Variants in NBN observed in about 807,000 individuals in gnomAD.
NBN encodes the protein nibrin, also known as Nijmegen breakage syndrome 1 (nibrin).
NBN carries 88 observed loss-of-function variants against 90.8 expected under a neutral mutation model. The ratio of observed to expected loss-of-function variants is 0.97; its 90% CI spans 0.82 to 1.16. NBN has a LOEUF of 1.16. NBN is among the 50% of genes most tolerant of loss of function. The pLI, the probability that NBN is intolerant of heterozygous loss-of-function variation, is 0.00. For synonymous variants in NBN, 328 were observed against 295.1 expected (o/e 1.11, Z -1.14); for missense variants, 894 against 869.6 (o/e 1.03, Z -0.35).
intron 8 of NBN, 24 bp from the exon 9 acceptor site, chr8:89,958,878 A>G (rs1563539424): frequency 2.5e-6 from 4 of 1,612,472 alleles, no homozygotes; most frequent in African/African-American, 1.3e-5. Flanking sequence ...AAGTAGAAAG[A>G]AAGAATCACA....
chr8:89,944,892 T>C (rs1459718082), intron 13 of NBN, among the ~76,000 whole-genome samples: 2 of 152,204 alleles, frequency 1.3e-5, no homozygotes, highest in African/African-American at 4.8e-5. Flanking sequence ...GATTTGGAGA[T>C]GTAAAGAACT....
intron 13 of NBN, among the ~76,000 whole-genome samples, chr8:89,945,138 A>G (rs1337543361): frequency 6.6e-6 from 1 of 152,220 alleles, no homozygotes; most frequent in Admixed American, 6.5e-5. Context: ...TTGTAAAACT[A>G]TAAAAAAAGT....
At chr8:89,936,074 TTGTC>T (rs889200253) in intron 15 of NBN, 16 of 392,500 alleles carry the variant, frequency 4.1e-5, no homozygotes, top group Non-Finnish European at 7.4e-5. Context: ...AAAACCAGTA[TTGTC>T]TGTCAACACT....
intron 15 of NBN, chr8:89,936,200 C>CT (rs1309644954): frequency 1.0e-5 from 3 of 293,766 alleles, no homozygotes; most frequent in Admixed American, 4.9e-5. Flanking sequence ...CCTCAGCCTC[C>CT]TGAGTAGCTG....
chr8:89,973,437 A>G (rs1007136599), intron 5 of NBN, among the ~76,000 whole-genome samples: 1 of 152,240 alleles, frequency 6.6e-6, no homozygotes, highest in Admixed American at 6.5e-5. Context: ...ACAAAAAAAT[A>G]CAAAACTGTA....
At chr8:89,949,284 T>C (rs10109454) in intron 11 of NBN, among the ~76,000 whole-genome samples, 77,253 of 152,100 alleles carry the variant, frequency 0.51, 21,970 homozygotes, top group African/African-American at 0.77. Flanking sequence ...AGGATATTAA[T>C]TGCTGCATTG....
intron 11 of NBN, among the ~76,000 whole-genome samples, chr8:89,951,664 T>C (rs942071093): frequency 3.3e-5 from 5 of 152,168 alleles, no homozygotes; most frequent in African/African-American, 1.2e-4. Context: ...TCCACCATAG[T>C]AGGAATTGCG....
At chr8:89,959,042 C>T (rs568382338) in intron 8 of NBN, among the ~76,000 whole-genome samples, 188 bp from the exon 9 acceptor site, 2 of 152,284 alleles carry the variant, frequency 1.3e-5, no homozygotes, top group South Asian at 2.1e-4. Flanking sequence ...GCATCTATGA[C>T]GGGCTTATCT....
chr8:89,983,934 G>A (rs1027727895), intron 1 of NBN, among the ~76,000 whole-genome samples: 1 of 152,024 alleles, frequency 6.6e-6, no homozygotes, highest in African/African-American at 2.4e-5. Flanking sequence ...TAAACTTCCC[G>A]AGGACAAGAC....
intron 14 of NBN, among the ~76,000 whole-genome samples, chr8:89,937,523 T>A (rs890345110): frequency 2.0e-5 from 3 of 152,194 alleles, no homozygotes; most frequent in African/African-American, 7.2e-5. Context: ...TGCTGCTAAA[T>A]TACCTCTCCT....
At chr8:89,958,264 G>A (rs1810820537) in intron 9 of NBN, among the ~76,000 whole-genome samples, 1 of 152,218 alleles carries the variant, frequency 6.6e-6, no homozygotes, top group South Asian at 2.1e-4. Flanking sequence ...GTTCCTAACA[G>A]GTGATGGACT....
chr8:89,980,113 T>C (rs557165535), intron 4 of NBN, among the ~76,000 whole-genome samples: 1 of 152,338 alleles, frequency 6.6e-6, no homozygotes, highest in South Asian at 2.1e-4. Context: ...AAAAAACCCT[T>C]GATTACAGAC....
intron 7 of NBN, among the ~76,000 whole-genome samples, chr8:89,965,233 G>A (rs376175787): frequency 1.3e-5 from 2 of 152,134 alleles, no homozygotes; most frequent in African/African-American, 4.8e-5. Context: ...AGGACGGAGA[G>A]AAGTAGACAG....
At position 89,970,411 on chromosome 8, in the gene NBN, AG is replaced by A. The variant is rs2129827996; in HGVS notation, c.848del (p.Pro283LeufsTer11). ...ACTGAATCCATTTCTTCTGACAGTCAGGAATTAAGGTCTGTGAGTTTGTTAT... is the reference window on the plus strand; with the variant it reads ...ACTGAATCCATTTCTTCTGACAGTCAGAATTAAGGTCTGTGAGTTTGTTAT... Reference protein sequence around the residue: ...TGITNSQTLIPDCQKKWIQSI... With the variant: ...TGITNSQTLIXDCQKKWIQSI... On this transcript the variant is annotated frameshift_variant, in exon 7 of 16. Coordinates refer to ENST00000265433, the MANE Select transcript of NBN (RefSeq NM_002485.5). LOFTEE classifies it high-confidence loss of function. 1.2e-6 allele frequency: 2 copies of A among 1,614,010 alleles called. No individual in the cohort carries two copies. The highest frequency in any genetic ancestry group is 1.7e-6 in the Non-Finnish European group (2 of 1,179,902).
chr8:89,952,457 T>C (rs1314509685), intron 11 of NBN, among the ~76,000 whole-genome samples: 4 of 152,178 alleles, frequency 2.6e-5, no homozygotes, highest in African/African-American at 9.6e-5. Flanking sequence ...ACAGGCCAAA[T>C]AGGACATAGG....
intron 1 of NBN, among the ~76,000 whole-genome samples, chr8:89,983,826 G>A (rs945204012): frequency 6.6e-6 from 1 of 152,004 alleles, no homozygotes; most frequent in African/African-American, 2.4e-5. Context: ...TGACCTGTGA[G>A]TCTTCACAGT....
chr8:89,946,208 T>C lies in NBN; in HGVS notation c.2002A>G (p.Thr668Ala), dbSNP rs138913151. 3.1e-6 allele frequency: 5 copies of C among 1,600,150 alleles called. No homozygotes were observed. In the African/African-American group the frequency reaches 5.4e-5, roughly 17 times the overall value. Residue 668 changes from threonine (T) to alanine (A), a missense_variant, in exon 13 of 16, where the codon ACT becomes GCT. Physicochemically the swap from Thr to Ala is moderately conservative, Grantham distance 58. Coordinates refer to ENST00000265433, the MANE Select transcript of NBN (RefSeq NM_002485.5). ...TTTATGCCAGATGGATTTCTGGAAGTAGAGTTTTTAATCACCAGTGATCTA... is the reference window on the plus strand; with the variant it reads ...TTTATGCCAGATGGATTTCTGGAAGCAGAGTTTTTAATCACCAGTGATCTA... ...EFRSLVIKNS[T>A]SRNPSGINDD... is the part of the protein sequence containing the mutation.
intron 11 of NBN, among the ~76,000 whole-genome samples, chr8:89,950,735 A>G (rs572130299): frequency 1.2e-4 from 15 of 120,186 alleles, no homozygotes; most frequent in African/African-American, 6.4e-4. Flanking sequence ...TAAACCTTAC[A>G]TATTAAATGA....
intron 9 of NBN, 72 bp downstream of exon 9, chr8:89,958,653 C>A: frequency 6.6e-7 from 1 of 1,510,380 alleles, no homozygotes; most frequent in South Asian, 1.1e-5. Flanking sequence ...TGATAAAGGG[C>A]ATTACTTCCT....
Sources: allele counts gnomAD v4.1 joint callset (sites outside exome capture counted in the v4.1 genomes callset), GRCh38; gene constraint gnomAD v4.1.1; transcripts MANE v1.5; gene names NCBI Gene and HGNC (gene_info 2026-07-23, HGNC 2026-07-21).